PDE4D: variants seen among roughly 807,000 people sequenced by gnomAD.
PDE4D encodes the protein phosphodiesterase 4D.
In PDE4D, 24 loss-of-function variants were observed where a neutral mutation model predicts 87.4. The ratio of observed to expected loss-of-function variants is 0.27; its 90% confidence interval spans 0.20 to 0.39. The LOEUF is 0.39. Ranked by LOEUF, PDE4D falls within the 10% of genes least tolerant of loss-of-function variation. PDE4D has a pLI of 1.00. For missense variants in PDE4D, 714 were observed against 1,041.0 expected (o/e 0.69, Z 4.32); for synonymous variants, 384 against 383.2 (o/e 1.00, Z -0.02).
At chr5:60,301,493 T>G (rs951210763) in intron 1 of PDE4D, among the ~76,000 whole-genome samples, 1 of 152,208 alleles carries the variant, frequency 6.6e-6, no homozygotes, top group South Asian at 2.1e-4. Context: ...AGTTCATTCA[T>G]GATTTGGCTC....
intron 1 of PDE4D, among the ~76,000 whole-genome samples, chr5:59,246,147 A>C (rs1266681399): frequency 5.9e-5 from 9 of 152,040 alleles, no homozygotes; most frequent in African/African-American, 2.2e-4. Flanking sequence ...TTCACTGGTA[A>C]AAAGACAAGG....
chr5:59,149,814 C>A (rs1010936723), intron 5 of PDE4D, among the ~76,000 whole-genome samples: 1 of 146,008 alleles, frequency 6.8e-6, no homozygotes, highest in South Asian at 2.2e-4. Flanking sequence ...TATCACTAGG[C>A]CTTGCAAAGG....
chr5:59,064,921 C>T (rs1241314781), intron 5 of PDE4D, among the ~76,000 whole-genome samples: 2 of 151,960 alleles, frequency 1.3e-5, no homozygotes, highest in Non-Finnish European at 2.9e-5. Flanking sequence ...ATCCAGCAGT[C>T]CCACTTCTTG....
At chr5:59,444,960 TATTTA>T (rs1798146880) in intron 1 of PDE4D, among the ~76,000 whole-genome samples, 1 of 152,196 alleles carries the variant, frequency 6.6e-6, no homozygotes, top group Non-Finnish European at 1.5e-5. Flanking sequence ...GTTCTGTAAG[TATTTA>T]ATCTGAAGGC....
At chr5:59,613,611 G>T (rs546630741) in intron 1 of PDE4D, among the ~76,000 whole-genome samples, 1 of 152,146 alleles carries the variant, frequency 6.6e-6, no homozygotes, top group Non-Finnish European at 1.5e-5. Context: ...GGAAAAGGGG[G>T]AAAGCCAGGG....
intron 1 of PDE4D, among the ~76,000 whole-genome samples, chr5:60,481,633 T>C (rs554827925): frequency 7.2e-5 from 11 of 152,314 alleles, no homozygotes; most frequent in Admixed American, 3.3e-4. Context: ...AGCCATTTCA[T>C]CTTCCTTGAC....
intron 6 of PDE4D, chr5:58,999,882 G>A: frequency 2.0e-6 from 2 of 986,158 alleles, no homozygotes; most frequent in South Asian, 9.4e-5. Context: ...ATGTCAAGAT[G>A]CTTAGTTGCA....
chr5:59,221,944 T>C (rs928822411), intron 1 of PDE4D, among the ~76,000 whole-genome samples: 2 of 152,164 alleles, frequency 1.3e-5, no homozygotes. Flanking sequence ...AGGAATGATA[T>C]AGCTATATTT....
intron 1 of PDE4D, among the ~76,000 whole-genome samples, chr5:60,270,695 G>T (rs1362694515): frequency 6.9e-6 from 1 of 145,614 alleles, no homozygotes. Flanking sequence ...AGCTCTCCAT[G>T]ACATAGTAAA....
At chr5:60,447,102 C>T (rs1465335489) in intron 1 of PDE4D, among the ~76,000 whole-genome samples, 2 of 152,094 alleles carry the variant, frequency 1.3e-5, no homozygotes, top group Non-Finnish European at 2.9e-5. Flanking sequence ...CATACCGTGG[C>T]CTCCAGCTCT....
At chr5:59,035,226 T>C (rs1331373707) in intron 6 of PDE4D, among the ~76,000 whole-genome samples, 1 of 152,218 alleles carries the variant, frequency 6.6e-6, no homozygotes, top group Admixed American at 6.5e-5. Flanking sequence ...ATTAGTAAGG[T>C]CTGCATTTTC....
intron 5 of PDE4D, among the ~76,000 whole-genome samples, chr5:59,064,972 T>TA (rs1763660373): frequency 6.6e-6 from 1 of 151,880 alleles, no homozygotes; most frequent in Non-Finnish European, 1.5e-5. Context: ...CTTAAAGAGA[T>TA]ATTTTCACTG....
Position 59,138,790 on chromosome 5 carries a change from G to A in PDE4D, c.808+41805C>T, listed in dbSNP as rs75637908. On this transcript the variant is annotated intron_variant, in intron 5 of 14. Coordinates refer to ENST00000340635, the MANE Select transcript of PDE4D (RefSeq NM_001104631.2). ...CCATTTTAGCTTGATTACATTTTCTGGGGTTTCATAGATGACTAAGATGTA... is the reference window on the plus strand; with the variant it reads ...CCATTTTAGCTTGATTACATTTTCTAGGGTTTCATAGATGACTAAGATGTA... Among the ~76,000 whole-genome samples the A allele has an allele frequency of 3.1e-3, 465 of 152,226 alleles. 10 individuals are homozygous for A. In the East Asian group the frequency reaches 0.056, roughly 18 times the overall value.
At chr5:59,518,711 T>A (rs1430497552) in intron 1 of PDE4D, among the ~76,000 whole-genome samples, 1 of 152,206 alleles carries the variant, frequency 6.6e-6, no homozygotes, top group East Asian at 1.9e-4. Flanking sequence ...GCTTCATGAT[T>A]CTGCCATATC....
chr5:60,169,037 C>A (rs1406274912), intron 2 of PDE4D, among the ~76,000 whole-genome samples: 1 of 152,086 alleles, frequency 6.6e-6, no homozygotes, highest in Admixed American at 6.6e-5. Flanking sequence ...TTTTTTAACT[C>A]TAGGATTTTG....
At chr5:59,850,216 G>C (rs1046380737) in intron 1 of PDE4D, among the ~76,000 whole-genome samples, 1 of 151,852 alleles carries the variant, frequency 6.6e-6, no homozygotes, top group Non-Finnish European at 1.5e-5. Flanking sequence ...CAACTGATTT[G>C]GTCAGACACA....
At chr5:60,168,235 A>G (rs1250677505) in intron 2 of PDE4D, among the ~76,000 whole-genome samples, 3 of 152,246 alleles carry the variant, frequency 2.0e-5, no homozygotes, top group Admixed American at 6.5e-5. Context: ...GCTAATCAAG[A>G]CTTATCAAAG....
At chr5:59,592,473 A>G (rs1826049407) in intron 1 of PDE4D, among the ~76,000 whole-genome samples, 2 of 152,170 alleles carry the variant, frequency 1.3e-5, no homozygotes, top group Admixed American at 1.3e-4. Context: ...TAAATTCATT[A>G]AACACCTAGT....
At chr5:59,795,396 G>T (rs759047927) in intron 1 of PDE4D, among the ~76,000 whole-genome samples, 1 of 152,090 alleles carries the variant, frequency 6.6e-6, no homozygotes, top group Non-Finnish European at 1.5e-5. Flanking sequence ...GTTCCCCGGT[G>T]GATCACGCTG....
Sources: allele counts gnomAD v4.1 joint callset (sites outside exome capture counted in the v4.1 genomes callset), GRCh38; gene constraint gnomAD v4.1.1; transcripts MANE v1.5; gene names NCBI Gene and HGNC (gene_info 2026-07-23, HGNC 2026-07-21).